Variants in SYN1 observed in about 807,000 individuals in gnomAD.
The protein encoded by SYN1 is synapsin I, also known as synapsin-1.
In SYN1, 8 loss-of-function variants were observed where a neutral mutation model predicts 44.6. That is an observed-to-expected ratio of 0.18 (90% CI 0.11 to 0.32). The LOEUF (loss-of-function observed/expected upper bound fraction) is 0.32. SYN1 is among the 10% of genes least tolerant of loss of function. The probability of loss-of-function intolerance (pLI) is 1.00; values close to 1 mark genes in which losing one functional copy is unlikely to be tolerated. For missense variants in SYN1, 451 were observed against 639.4 expected (o/e 0.71, Z 3.18); for synonymous variants, 275 against 280.1 (o/e 0.98, Z 0.18).
chrX:47,594,715 C>CTTTCT (rs987885115), intron 5 of SYN1, among the ~76,000 whole-genome samples: 3 of 100,072 alleles, frequency 3.0e-5, no homozygotes, highest in African/African-American at 7.0e-5. Context: ...ACATTTCTTT[C>CTTTCT]TTTCTTTTCT....
rs1013999335 is a variant in SYN1 at position 47,574,117 on chromosome X, G to A, written c.1867C>T (p.Pro623Ser). 3.6e-6 allele frequency: 4 copies of A among 1,107,098 alleles called. 1 individual carries two copies. The highest frequency in any genetic ancestry group is 4.7e-6 in the Non-Finnish European group (4 of 848,891). The allele number at this position is 1,107,098 out of a possible 1,213,427, so 91.2% of individuals were successfully genotyped here. ...CGTCCAGCGGGGCCCGGGCCGCTGG[G>A]CCGAGGCTGCTGCGTGGTGGGTGGC... ...TGPPTTQQPR[P>S]SGPGPAGRPK... is the part of the protein sequence containing the mutation. Residue 623 changes from proline to serine, a missense_variant, in exon 12 of 13, where the codon CCC (proline) becomes TCC (serine). Pro to Ser is a moderately conservative substitution (Grantham distance 74). This residue lies in a region of SYN1 where 127 missense variants were observed against 154.8 expected (regional missense o/e 0.82). Coordinates refer to ENST00000295987, the MANE Select transcript of SYN1 (RefSeq NM_006950.3).
intron 5 of SYN1, among the ~76,000 whole-genome samples, chrX:47,604,313 C>T (rs140219234): frequency 0.042 from 4,651 of 110,613 alleles, 274 homozygotes; most frequent in African/African-American, 0.14. Context: ...AGTGCAGTGG[C>T]GTGATCTCTG....
In SYN1 at chrX:47,572,784, T is replaced by C; in HGVS notation, c.*80A>G. 8.4e-7 allele frequency: 1 copy of C among 1,188,222 alleles called. No homozygotes were observed. Among genetic ancestry groups the C allele is most frequent in the Non-Finnish European group, 1.1e-6 (1 of 875,598 alleles). On this transcript the variant is annotated 3_prime_UTR_variant, in exon 13 of 13. Transcript: ENST00000295987. ...CCGGGAGATGGGTTCTCAAGGGATT[T>C]GGAGACTCCAAAAGTGAGAAATGGA...
At chrX:47,609,187 G>T (rs1291717990) in intron 1 of SYN1, among the ~76,000 whole-genome samples, 2 of 111,798 alleles carry the variant, frequency 1.8e-5, no homozygotes, top group African/African-American at 6.5e-5. Flanking sequence ...TGGATACTGT[G>T]GTGGTCTGCT....
At chrX:47,598,747 A>C (rs2057871081) in intron 5 of SYN1, among the ~76,000 whole-genome samples, 1 of 111,798 alleles carries the variant, frequency 8.9e-6, no homozygotes, top group Non-Finnish European at 1.9e-5. Flanking sequence ...GAATTGCTTG[A>C]ACCCAGGAGG....
intron 9 of SYN1, among the ~76,000 whole-genome samples, chrX:47,575,906 A>C (rs1336228321): frequency 8.9e-6 from 1 of 112,139 alleles, no homozygotes; most frequent in African/African-American, 3.2e-5. Context: ...CAGAGCACTA[A>C]ACAATCTAAT....
chrX:47,593,110 G>A (rs892388458), intron 5 of SYN1, among the ~76,000 whole-genome samples: 7 of 110,784 alleles, frequency 6.3e-5, no homozygotes, highest in African/African-American at 2.3e-4. Context: ...GACCAGGCTG[G>A]TCTTGAACTC....
chrX:47,606,406 G>T (rs1255886301), intron 3 of SYN1, among the ~76,000 whole-genome samples: 3 of 109,110 alleles, frequency 2.7e-5, no homozygotes, highest in Non-Finnish European at 5.7e-5. Context: ...GCATGCAGCA[G>T]ATGTCTAGCA....
At position 47,607,174 on chromosome X, in the gene SYN1, C is replaced by G; in HGVS notation, c.402G>C (p.Lys134Asn). ...TDWAKYFKGK[K>N]IHGEIDIKVE... ...CTTTAATGTCAATTTCTCCATGGAT[C>G]TTTTTCCCTTTGAAGTATTTTGCCC... The change falls in exon 2 of 13, where the codon AAG (lysine) becomes AAC (asparagine). Residue 134 changes from lysine to asparagine, a missense_variant. Lys to Asn is a moderately conservative substitution (Grantham distance 94, BLOSUM62 0). This residue lies in a region of SYN1 where 315 missense variants were observed against 451.4 expected (regional missense o/e 0.70). Coordinates refer to ENST00000295987, the MANE Select transcript of SYN1 (RefSeq NM_006950.3). 8.3e-7 allele frequency: 1 copy of G among 1,211,412 alleles called. No homozygotes were observed. Among genetic ancestry groups the G allele is most frequent in the Non-Finnish European group, 1.1e-6 (1 of 895,234 alleles).
At position 47,606,950 on chromosome X, in the gene SYN1, G is replaced by T; in HGVS notation, c.522C>A (p.Val174=). ...DMEVLRNGVK[V]VRSLKPDFVL... ...GGTACCCTTCTTATACTCACCGCAC[G>T]ACCTTCACCCCATTCCGAAGAACTT... is the stretch of plus-strand genomic sequence containing the variant. The change falls in exon 3 of 13, where the codon GTC becomes GTA. Residue 174 remains valine, a synonymous_variant. Transcript: ENST00000295987. The T allele has an allele frequency of 8.3e-7, 1 of 1,208,807 alleles. No individual in the cohort carries two copies. Among genetic ancestry groups the T allele is most frequent in the Non-Finnish European group, 1.1e-6 (1 of 893,948 alleles).
At position 47,575,168 on chromosome X, in the gene SYN1, C is replaced by T; in HGVS notation, c.1265G>A (p.Arg422Gln). The change falls in exon 10 of 13, where the codon CGA (arginine) becomes CAA (glutamine). Residue 422 changes from arginine (R) to glutamine (Q), a missense_variant. Coordinates refer to ENST00000295987, the MANE Select transcript of SYN1 (RefSeq NM_006950.3). ...NKMAQALPRQ[R>Q]QRDASPGRGS... ...CCTGCCAGGGGAGGCATCCCGCTGTCGCTGCCGGGGCAGGGCCTGAGCCAT... is the reference window on the plus strand; with the variant it reads ...CCTGCCAGGGGAGGCATCCCGCTGTTGCTGCCGGGGCAGGGCCTGAGCCAT... The T allele has an allele frequency of 7.5e-6, 9 of 1,193,895 alleles. No individual in the cohort carries two copies. The highest frequency in any genetic ancestry group is 9.0e-6 in the Non-Finnish European group (8 of 886,391).
At position 47,574,508 on chromosome X, in the gene SYN1, G is replaced by A; in HGVS notation, c.1476C>T (p.His492=). ...CAGCTGGGGGTCCAAGGCCTGAAAGGTGCTGCTGGCCCTGCGGGGGCGGGC... is the reference window on the plus strand; with the variant it reads ...CAGCTGGGGGTCCAAGGCCTGAAAGATGCTGCTGGCCCTGCGGGGGCGGGC... ...QQRPPPQGQQ[H]LSGLGPPAGS... is the part of the protein sequence containing the mutation. Residue 492 remains histidine, a synonymous_variant, in exon 12 of 13, where the codon CAC becomes CAT. Coordinates refer to ENST00000295987, the MANE Select transcript of SYN1 (RefSeq NM_006950.3). 9.2e-7 allele frequency: 1 copy of A among 1,082,868 alleles called. No individual in the cohort carries two copies. The highest frequency in any genetic ancestry group is 1.2e-6 in the Non-Finnish European group (1 of 837,677). The allele number at this position is 1,082,868 out of a possible 1,213,427, so 89.2% of individuals were successfully genotyped here. A position where few individuals can be genotyped will look rare whatever the true frequency, so the allele number is the denominator to read the frequency against.
At chrX:47,575,071 C>T (rs899660794) in intron 10 of SYN1, 57 bp downstream of exon 10, 1 of 1,162,139 alleles carries the variant, frequency 8.6e-7, no homozygotes, top group African/African-American at 1.8e-5. Context: ...ACAGCATGAC[C>T]CAGGGCCGGC....
chrX:47,603,904 ATAT>A (rs1173266397), intron 5 of SYN1, among the ~76,000 whole-genome samples: 32 of 82,846 alleles, frequency 3.9e-4, no homozygotes, highest in African/African-American at 1.2e-3. Flanking sequence ...ATATATATAT[ATAT>A]TTTTTTTTTT....
intron 5 of SYN1, among the ~76,000 whole-genome samples, chrX:47,581,590 A>G (rs988405939): frequency 1.8e-5 from 2 of 112,106 alleles, no homozygotes; most frequent in Non-Finnish European, 3.8e-5. Context: ...GGTGCCAGGT[A>G]GCCTCTGTTT....
At chrX:47,592,269 T>A (rs762378457) in intron 5 of SYN1, among the ~76,000 whole-genome samples, 2 of 110,393 alleles carry the variant, frequency 1.8e-5, no homozygotes, top group African/African-American at 6.6e-5. Context: ...ACCCAGGAGG[T>A]TGGGGCTGCA....
At chrX:47,602,651 A>G (rs1478487541) in intron 5 of SYN1, among the ~76,000 whole-genome samples, 3 of 111,470 alleles carry the variant, frequency 2.7e-5, no homozygotes, top group Non-Finnish European at 5.6e-5. Flanking sequence ...AAAAAAAAAA[A>G]AGAAAAACTA....
At chrX:47,577,532 C>T (rs2057781737) in intron 5 of SYN1, 31 bp from the exon 6 acceptor site, 2 of 1,184,009 alleles carry the variant, frequency 1.7e-6, no homozygotes, top group African/African-American at 1.8e-5. Flanking sequence ...GAGACATGCT[C>T]AGGGCAGAAA....
intron 5 of SYN1, among the ~76,000 whole-genome samples, chrX:47,594,837 C>T (rs923545920): frequency 1.8e-5 from 2 of 109,920 alleles, no homozygotes; most frequent in Non-Finnish European, 3.8e-5. Context: ...AAGCAATTCT[C>T]CTGCCTCAGC....
Sources: allele counts gnomAD v4.1 joint callset (sites outside exome capture counted in the v4.1 genomes callset), GRCh38; gene constraint gnomAD v4.1.1; regional missense constraint gnomAD v4.1.1; transcripts MANE v1.5; gene names NCBI Gene and HGNC (gene_info 2026-07-23, HGNC 2026-07-21).